XIRP2: variants seen among roughly 807,000 people sequenced by gnomAD.
XIRP2 encodes xin actin binding repeat containing 2, also known as xin actin-binding repeat-containing protein 2.
Under a neutral mutation model 277.0 loss-of-function variants are expected in XIRP2, and 236 were observed. The ratio of observed to expected loss-of-function variants is 0.85; its 90% CI spans 0.77 to 0.95. XIRP2 has a LOEUF of 0.95. XIRP2 is among the 40% of genes least tolerant of loss of function. The probability of loss-of-function intolerance (pLI) is 0.00; values close to 1 mark genes in which losing one functional copy is unlikely to be tolerated. For missense variants in XIRP2, 4,640 were observed against 4,157.5 expected, an observed-to-expected ratio of 1.12 and a Z score of -3.19; for synonymous variants, 1,490 against 1,416.5, an observed-to-expected ratio of 1.05 and a Z score of -1.17.
chr2:166,937,197 TC>T (rs1558922433), intron 2 of XIRP2, among the ~76,000 whole-genome samples: 1 of 152,162 alleles, frequency 6.6e-6, no homozygotes, highest in Non-Finnish European at 1.5e-5. Flanking sequence ...TCCAGTTTTT[TC>T]CCATTCCGTA....
chr2:167,013,939 T>C (rs1687751902), intron 2 of XIRP2, among the ~76,000 whole-genome samples: 2 of 151,458 alleles, frequency 1.3e-5, no homozygotes, highest in Middle Eastern at 3.4e-3. Context: ...TCTGTTTCTT[T>C]ACAGGGGAGT....
Position 167,259,092 on chromosome 2 carries a change from A to C in XIRP2, c.*1275A>C, listed in dbSNP as rs1695762166. The C allele has an allele frequency of 1.2e-6, 2 of 1,611,560 alleles. No individual in the cohort carries two copies. The highest frequency in any genetic ancestry group is 1.7e-5 in the Admixed American group (1 of 59,766). ...GTGAAAATCACTGCATTTTCCAAGA[A>C]AAATGAGAACATTTTCAATTGTGAT... On this transcript the variant is annotated 3_prime_UTR_variant, in exon 11 of 11. Transcript: ENST00000409195.
At chr2:167,104,184 A>G (rs908371770) in intron 2 of XIRP2, among the ~76,000 whole-genome samples, 1 of 151,978 alleles carries the variant, frequency 6.6e-6, no homozygotes, top group Non-Finnish European at 1.5e-5. Context: ...GGATTTTAGT[A>G]TTTTTACTTG....
intron 2 of XIRP2, among the ~76,000 whole-genome samples, chr2:166,995,067 A>C (rs1401416393): frequency 2.0e-5 from 3 of 152,064 alleles, no homozygotes; most frequent in African/African-American, 7.2e-5. Context: ...TTTTTAGTAG[A>C]GATCAGGTTT....
chr2:167,069,053 T>C (rs1198019701), intron 2 of XIRP2, among the ~76,000 whole-genome samples: 5 of 152,136 alleles, frequency 3.3e-5, no homozygotes, highest in Non-Finnish European at 1.5e-5. Flanking sequence ...ATACCAATGT[T>C]CGTGGGTGCT....
chr2:167,113,528 A>G (rs1403915740), intron 2 of XIRP2, among the ~76,000 whole-genome samples: 1 of 152,078 alleles, frequency 6.6e-6, no homozygotes, highest in Admixed American at 6.6e-5. Flanking sequence ...TTTTGAGCCT[A>G]TGGATGTCAT....
intron 2 of XIRP2, among the ~76,000 whole-genome samples, chr2:166,965,971 TAAA>T (rs1356808851): frequency 5.9e-5 from 9 of 151,864 alleles, no homozygotes; most frequent in Admixed American, 5.9e-4. Flanking sequence ...ATAGATAAAA[TAAA>T]AATTTATTTG....
intron 4 of XIRP2, among the ~76,000 whole-genome samples, chr2:167,216,948 CA>C (rs1694264684): frequency 7.3e-6 from 1 of 137,176 alleles, no homozygotes; most frequent in Non-Finnish European, 1.5e-5. Context: ...GAATACTATG[CA>C]GCCATAAAAA....
At chr2:167,008,343 C>A (rs1687563302) in intron 2 of XIRP2, among the ~76,000 whole-genome samples, 1 of 151,496 alleles carries the variant, frequency 6.6e-6, no homozygotes, top group East Asian at 1.9e-4. Flanking sequence ...CTAAGCTGGT[C>A]TCTCTTTTCT....
Position 167,242,904 on chromosome 2 carries a change from C to T in XIRP2, c.1512C>T (p.His504=). ...ATGAATTAAACCGTTTATATAAACA[C>T]ATCCATCCTGAGTTAAGAAAAAACT... ...NLYELNRLYK[H]IHPELRKNLE... The change falls in exon 9 of 11, where the codon CAC becomes CAT. Residue 504 remains histidine (H), a synonymous_variant. Coordinates refer to ENST00000409195, the MANE Select transcript of XIRP2 (RefSeq NM_152381.6). The T allele has an allele frequency of 6.2e-7, 1 of 1,613,998 alleles. No homozygotes were observed. The highest frequency in any genetic ancestry group is 8.5e-7 in the Non-Finnish European group (1 of 1,179,942).
chr2:167,212,331 T>C (rs1399232115), intron 4 of XIRP2, among the ~76,000 whole-genome samples: 3 of 152,196 alleles, frequency 2.0e-5, no homozygotes, highest in Non-Finnish European at 1.5e-5. Flanking sequence ...TGAAAATGCC[T>C]AAAGACTGGT....
intron 2 of XIRP2, among the ~76,000 whole-genome samples, chr2:166,939,405 G>A (rs1261695550): frequency 6.6e-6 from 1 of 151,888 alleles, no homozygotes; most frequent in Non-Finnish European, 1.5e-5. Context: ...TCTTGGGCTG[G>A]GCACGGTGAC....
rs1674541956 is a variant in XIRP2 at position 167,055,996 on chromosome 2, G to A, written c.409-79913G>A. 2.6e-5 allele frequency among the ~76,000 whole-genome samples: 4 copies of A among 151,988 alleles called. No individual in the cohort carries two copies. In the South Asian group the frequency reaches 8.3e-4, roughly 32 times the overall value. On this transcript the variant is annotated intron_variant, in intron 2 of 10. Transcript: ENST00000409195. Reference sequence around the variant, plus strand: ...TCTGCCTTTCTTCATAAATACATCGGGTTCAGTAAATACCTTCTTTTTCAT... The same window carrying A: ...TCTGCCTTTCTTCATAAATACATCGAGTTCAGTAAATACCTTCTTTTTCAT...
rs546756368 is a variant in XIRP2 at position 167,248,194 on chromosome 2, G to A, written c.6802G>A (p.Glu2268Lys). The A allele has an allele frequency of 1.2e-6, 2 of 1,613,706 alleles. No homozygotes were observed. Among genetic ancestry groups the A allele is most frequent in the Non-Finnish European group, 1.7e-6 (2 of 1,179,782 alleles). Residue 2268 changes from glutamate (E) to lysine (K), a missense_variant, in exon 9 of 11, where the codon GAA (glutamate) becomes AAA (lysine). Coordinates refer to ENST00000409195, the MANE Select transcript of XIRP2 (RefSeq NM_152381.6). Reference sequence around the variant, plus strand: ...TTCCACAGGCTTAAAAATGGCAATGGAAAGGTCCTTGAATCCAATCAACTT... The same window carrying A: ...TTCCACAGGCTTAAAAATGGCAATGAAAAGGTCCTTGAATCCAATCAACTT... ...NTSTGLKMAMERSLNPINFNP... is the reference protein window; with the variant it reads ...NTSTGLKMAMKRSLNPINFNP...
chr2:167,169,859 A>G (rs1255854586), intron 3 of XIRP2, among the ~76,000 whole-genome samples: 1 of 152,168 alleles, frequency 6.6e-6, no homozygotes, highest in Non-Finnish European at 1.5e-5. Flanking sequence ...TTATGATGGA[A>G]TAATGAGAGC....
intron 8 of XIRP2, 108 bp from the exon 9 acceptor site, chr2:167,242,461 T>G: frequency 1.8e-6 from 2 of 1,139,076 alleles, no homozygotes; most frequent in Non-Finnish European, 2.5e-6. Flanking sequence ...TTGTTCCCAA[T>G]GGAGATATCA....
Position 166,986,725 on chromosome 2 carries a change from G to A in XIRP2, c.408+82835G>A, listed in dbSNP as rs570020942. 3.3e-5 allele frequency among the ~76,000 whole-genome samples: 5 copies of A among 152,288 alleles called. No homozygotes were observed. The South Asian group carries it at 1.0e-3, about 32-fold the overall frequency. On this transcript the variant is annotated intron_variant, in intron 2 of 10. Coordinates refer to ENST00000409195, the MANE Select transcript of XIRP2 (RefSeq NM_152381.6). ...AAATGATCCTGTTAAATGTTTATCA[G>A]GGATCTTTGTATTGAATTAATTTAA...
intron 2 of XIRP2, among the ~76,000 whole-genome samples, chr2:166,957,212 A>G (rs573981624): frequency 1.3e-5 from 2 of 151,780 alleles, no homozygotes; most frequent in South Asian, 2.1e-4. Flanking sequence ...TATGATCTCA[A>G]AATGGTCAGT....
intron 1 of XIRP2, among the ~76,000 whole-genome samples, chr2:166,897,434 T>A (rs963926181): frequency 1.3e-5 from 2 of 152,000 alleles, no homozygotes; most frequent in African/African-American, 4.8e-5. Context: ...TCGACAATAC[T>A]GAAAACATAT....
Sources: gnomAD v4.1 joint callset for allele counts (sites outside exome capture counted in the v4.1 genomes callset) on GRCh38, gnomAD v4.1.1 for gene constraint, MANE v1.5 for transcripts, NCBI Gene and HGNC (gene_info 2026-07-23, HGNC 2026-07-21) for gene names.